The following GPM6A variants were observed in gnomAD, a reference collection of about 807,000 sequenced individuals.
The protein encoded by GPM6A is neuronal membrane glycoprotein M6-a.
In GPM6A, 7 loss-of-function variants were observed where a neutral mutation model predicts 32.1. The observed-to-expected ratio is 0.22, with a 90% CI of 0.12 to 0.41. GPM6A has a LOEUF of 0.41. Among genes scored for constraint, GPM6A ranks in the 10% least tolerant of loss-of-function variants. The pLI is 1.00. For synonymous variants in GPM6A, 130 were observed against 123.4 expected (o/e 1.05, Z -0.35); for missense variants, 235 against 347.2 (o/e 0.68, Z 2.57).
intron 1 of GPM6A, among the ~76,000 whole-genome samples, chr4:175,869,819 G>A (rs1472319306): frequency 6.6e-6 from 1 of 151,936 alleles, no homozygotes; most frequent in African/African-American, 2.4e-5. Flanking sequence ...TTTGTGCCAA[G>A]TATTTTTCTA....
At chr4:175,645,647 G>C (rs1284264684) in intron 4 of GPM6A, among the ~76,000 whole-genome samples, 4 of 152,104 alleles carry the variant, frequency 2.6e-5, no homozygotes, top group African/African-American at 9.7e-5. Flanking sequence ...CTTGAACCTG[G>C]GAGGCAGAGG....
chr4:175,856,027 G>T (rs1448506089), intron 1 of GPM6A, among the ~76,000 whole-genome samples: 1 of 152,078 alleles, frequency 6.6e-6, no homozygotes, highest in Non-Finnish European at 1.5e-5. Context: ...GGACTGGGAT[G>T]AGATATAAAC....
At chr4:175,715,305 A>G (rs1031173494) in intron 1 of GPM6A, among the ~76,000 whole-genome samples, 3 of 152,146 alleles carry the variant, frequency 2.0e-5, no homozygotes, top group African/African-American at 4.8e-5. Flanking sequence ...AATTTCCCAC[A>G]TCTTCATGGG....
intron 1 of GPM6A, among the ~76,000 whole-genome samples, chr4:175,749,733 AC>A (rs1423789280): frequency 1.3e-5 from 2 of 152,180 alleles, no homozygotes; most frequent in Non-Finnish European, 2.9e-5. Context: ...TCATCAAATC[AC>A]CCTTACTTTT....
chr4:175,874,707 G>A (rs1021953990), intron 1 of GPM6A, among the ~76,000 whole-genome samples: 2 of 152,128 alleles, frequency 1.3e-5, no homozygotes, highest in Non-Finnish European at 2.9e-5. Context: ...GAGAAAGGAA[G>A]TGTATGAGAT....
At chr4:175,813,721 G>A (rs1454018585), upstream of GPM6A, among the ~76,000 whole-genome samples, 3 of 152,202 alleles carry the variant, frequency 2.0e-5, no homozygotes, top group Non-Finnish European at 2.9e-5. Flanking sequence ...AAGCAGGCCA[G>A]TAGCATGCTG....
chr4:175,637,245 TATATATAATATAAA>T (rs1560841738), intron 6 of GPM6A, among the ~76,000 whole-genome samples: 1 of 39,582 alleles, frequency 2.5e-5, no homozygotes, highest in African/African-American at 9.1e-5. Flanking sequence ...TATTATATAT[TATATATAATATAAA>T]ATATATATTA....
intron 1 of GPM6A, chr4:175,962,307 T>A: frequency 8.7e-7 from 1 of 1,150,624 alleles, no homozygotes; most frequent in Non-Finnish European, 1.3e-6. Context: ...AAAAGTGAGT[T>A]TACTGGGTCC....
intron 2 of GPM6A, among the ~76,000 whole-genome samples, chr4:175,686,580 C>G (rs1030205830): frequency 6.6e-6 from 1 of 152,100 alleles, no homozygotes. Flanking sequence ...AAGGAAGGCC[C>G]GCAACCACCA....
intron 1 of GPM6A, among the ~76,000 whole-genome samples, chr4:175,915,959 T>C (rs1738480681): frequency 6.6e-6 from 1 of 152,180 alleles, no homozygotes; most frequent in South Asian, 2.1e-4. Flanking sequence ...CATCCATCCA[T>C]CTCCCTTCTC....
At chr4:175,740,076 T>C (rs972695609) in intron 1 of GPM6A, among the ~76,000 whole-genome samples, 6 of 152,090 alleles carry the variant, frequency 3.9e-5, no homozygotes, top group African/African-American at 1.4e-4. Context: ...GCTAGCTTAG[T>C]TAAATGTTAA....
At chr4:175,904,368 A>T (rs1375139739) in intron 1 of GPM6A, among the ~76,000 whole-genome samples, 2 of 152,160 alleles carry the variant, frequency 1.3e-5, no homozygotes, top group Admixed American at 1.3e-4. Flanking sequence ...AGCTAACATA[A>T]AAGATATTTG....
chr4:175,965,564 A>G (rs1740307124), intron 1 of GPM6A, among the ~76,000 whole-genome samples: 1 of 152,108 alleles, frequency 6.6e-6, no homozygotes, highest in Non-Finnish European at 1.5e-5. Context: ...AGGAAAAAAG[A>G]GAAAAGAAAC....
intron 1 of GPM6A, among the ~76,000 whole-genome samples, chr4:175,911,527 C>T (rs994165426): frequency 1.3e-5 from 2 of 152,038 alleles, no homozygotes; most frequent in Admixed American, 6.6e-5. Context: ...ACATAATAAG[C>T]CATGTATCCC....
intron 1 of GPM6A, among the ~76,000 whole-genome samples, chr4:175,925,443 A>G (rs1738803637): frequency 6.6e-6 from 1 of 152,228 alleles, no homozygotes; most frequent in African/African-American, 2.4e-5. Flanking sequence ...AAAAATAGAA[A>G]ATTAGTTAAA....
chr4:175,672,229 G>C (rs59573619), intron 3 of GPM6A, among the ~76,000 whole-genome samples: 122 of 152,274 alleles, frequency 8.0e-4, no homozygotes, highest in African/African-American at 2.5e-3. Context: ...CGGTAAAGAC[G>C]TGCTTTCAGA....
At chr4:175,892,478 T>C (rs1461238181) in intron 1 of GPM6A, among the ~76,000 whole-genome samples, 2 of 152,352 alleles carry the variant, frequency 1.3e-5, no homozygotes, top group East Asian at 3.9e-4. Flanking sequence ...TAATGGTCAC[T>C]ACTGTGAAAT....
rs547675382 is a variant in GPM6A at position 175,894,245 on chromosome 4, C to T, written c.-22-81996G>A. 2.0e-5 allele frequency among the ~76,000 whole-genome samples: 3 copies of T among 151,610 alleles called. No homozygotes were observed. In the South Asian group the frequency reaches 6.2e-4, roughly 32 times the overall value. On this transcript the variant is annotated intron_variant, in intron 1 of 7. Coordinates refer to the GPM6A transcript ENST00000280187. ...TTTTAGTTCTTTGAAGATACTTTTG[C>T]TCAGAAAAAAAAGGAAAAGTGATAG...
intron 6 of GPM6A, among the ~76,000 whole-genome samples, chr4:175,637,716 T>TATATATAATATATTATATATTATATAA (rs1740862903): frequency 1.6e-5 from 1 of 62,966 alleles, no homozygotes; most frequent in African/African-American, 6.7e-5. Context: ...TATATATATT[T>TATATATAATATATTATATATTATATAA]ATATATAATA....
Sources: gnomAD v4.1 joint callset for allele counts (sites outside exome capture counted in the v4.1 genomes callset) on GRCh38, gnomAD v4.1.1 for gene constraint, MANE v1.5 for transcripts, NCBI Gene and HGNC (gene_info 2026-07-23, HGNC 2026-07-21) for gene names.